ANKRD36: variants seen among roughly 807,000 people sequenced by gnomAD.
ANKRD36 encodes ankyrin repeat domain 36.
In ANKRD36, 179 loss-of-function variants were observed where a neutral mutation model predicts 278.1. The observed-to-expected ratio is 0.64, with a 90% CI of 0.57 to 0.73. The LOEUF (loss-of-function observed/expected upper bound fraction) is 0.73, where lower values mean the gene tolerates loss of function less well. ANKRD36 is among the 30% of genes least tolerant of loss of function. The pLI, the probability that ANKRD36 is intolerant of heterozygous loss-of-function variation, is 0.00. For missense variants in ANKRD36, 1,159 were observed against 1,956.7 expected, an observed-to-expected ratio of 0.59 and a Z score of 7.69; for synonymous variants, 320 against 641.1, an observed-to-expected ratio of 0.50 and a Z score of 7.57.
chr2:97,154,068 T>C (rs1290437244), intron 14 of ANKRD36, among the ~76,000 whole-genome samples: 2 of 148,634 alleles, frequency 1.3e-5, no homozygotes, highest in Non-Finnish European at 3.0e-5. Context: ...CATTTGTACT[T>C]TGACTTTTGT....
intron 5 of ANKRD36, among the ~76,000 whole-genome samples, chr2:97,125,254 G>T (rs1332412254): frequency 6.6e-6 from 1 of 151,306 alleles, no homozygotes; most frequent in Non-Finnish European, 1.5e-5. Flanking sequence ...CCATAAAAAG[G>T]CTTCAAAGTT....
intron 13 of ANKRD36, among the ~76,000 whole-genome samples, 175 bp from the exon 14 acceptor site, chr2:97,152,329 T>G (rs1277362091): frequency 4.0e-5 from 6 of 148,846 alleles, no homozygotes; most frequent in Non-Finnish European, 1.5e-5. Context: ...AAGGATAGAG[T>G]CTTGCTATGT....
Position 97,217,198 on chromosome 2 carries a change from C to T in ANKRD36, c.3695C>T (p.Ala1232Val), listed in dbSNP as rs1343996624. The change falls in exon 63 of 76, where the codon GCC (alanine) becomes GTC (valine). Residue 1232 changes from alanine (A) to valine (V), a missense_variant. Physicochemically the swap from Ala to Val is moderately conservative, Grantham distance 64 (BLOSUM62 0). Transcript: ENST00000420699. Reference protein sequence around the residue: ...RGTVSPQKQSAQKVIFKKKVS... With the variant: ...RGTVSPQKQSVQKVIFKKKVS... ...TCAGTGTCTCCTCAGAAACAATCGGCCCAGAAGGTAGTTACTCTTTCATTT... is the reference window on the plus strand; with the variant it reads ...TCAGTGTCTCCTCAGAAACAATCGGTCCAGAAGGTAGTTACTCTTTCATTT... The T allele has an allele frequency of 6.4e-7, 1 of 1,552,978 alleles. No homozygotes were observed. Among genetic ancestry groups the T allele is most frequent in the East Asian group, 2.5e-5 (1 of 40,466 alleles).
chr2:97,234,983 G>C (rs1280143715), intron 68 of ANKRD36, among the ~76,000 whole-genome samples: 1 of 139,120 alleles, frequency 7.2e-6, no homozygotes, highest in African/African-American at 3.0e-5. Flanking sequence ...CACTTGCTTT[G>C]TAGTATCTTT....
At chr2:97,153,318 T>G (rs563978823) in intron 14 of ANKRD36, among the ~76,000 whole-genome samples, 1 of 152,422 alleles carries the variant, frequency 6.6e-6, no homozygotes, top group African/African-American at 2.4e-5. Context: ...AATATTTTCT[T>G]GATTTCTTTT....
intron 32 of ANKRD36, among the ~76,000 whole-genome samples, chr2:97,188,311 T>C (rs2057854100): frequency 6.6e-6 from 1 of 151,420 alleles, no homozygotes; most frequent in African/African-American, 2.4e-5. Flanking sequence ...ATTGCAGTGA[T>C]TTCTGAATGA....
intron 6 of ANKRD36, among the ~76,000 whole-genome samples, chr2:97,131,995 A>T (rs2040296637): frequency 6.6e-6 from 1 of 151,702 alleles, no homozygotes; most frequent in South Asian, 2.1e-4. Context: ...CGCCCAGCTA[A>T]TTTTTATATT....
rs897068345 is a variant in ANKRD36, at chr2:97,154,754, C to T, written c.1260+13C>T. On this transcript the variant is annotated intron_variant, in intron 15 of 75. Transcript: ENST00000420699. ...TTTGGAATCTGAGGTAGAGTACTCT[C>T]TTGTGAAATTAATTTTCTCATTCTG... 1.6e-5 allele frequency: 23 copies of T among 1,466,472 alleles called. 3 individuals are homozygous for T. Among genetic ancestry groups the T allele is most frequent in the Non-Finnish European group, 2.1e-5 (23 of 1,092,064 alleles). The allele number at this position is 1,466,472 out of a possible 1,614,324, so 90.8% of individuals were successfully genotyped here. A position where few individuals can be genotyped will look rare whatever the true frequency, so the allele number is the denominator to read the frequency against.
intron 11 of ANKRD36, among the ~76,000 whole-genome samples, chr2:97,147,079 G>T (rs940785467): frequency 2.0e-5 from 3 of 151,742 alleles, no homozygotes; most frequent in Non-Finnish European, 4.4e-5. Flanking sequence ...GCAAGACTAG[G>T]CCAGTCCTAG....
chr2:97,115,648 T>C (rs1016371837), intron 1 of ANKRD36, among the ~76,000 whole-genome samples: 1 of 124 alleles, frequency 8.1e-3, no homozygotes, highest in Non-Finnish European at 0.015. Context: ...GAAATACTAT[T>C]TTCTATCACA....
At chr2:97,177,390 A>G (rs1177039330) in intron 22 of ANKRD36, among the ~76,000 whole-genome samples, 6 of 151,972 alleles carry the variant, frequency 3.9e-5, no homozygotes, top group Non-Finnish European at 7.4e-5. Flanking sequence ...AGCCAAAAGA[A>G]CAAAGCTGGA....
intron 4 of ANKRD36, among the ~76,000 whole-genome samples, chr2:97,123,957 T>TTATATG (rs2037776149): frequency 7.1e-6 from 1 of 141,806 alleles, no homozygotes; most frequent in Non-Finnish European, 1.5e-5. Context: ...TCCTCCATAT[T>TTATATG]TATATATATA....
chr2:97,123,073 T>TCTGTACCCTGAGAGAAA, intron 4 of ANKRD36, 80 bp downstream of exon 4: 1 of 1,155,492 alleles, frequency 8.7e-7, no homozygotes, highest in Non-Finnish European at 1.2e-6. Flanking sequence ...AAGTCACAAA[T>TCTGTACCCTGAGAGAAA]ATTACATTAA....
intron 40 of ANKRD36, 42 bp downstream of exon 40, chr2:97,194,959 C>G (rs576668535): frequency 3.9e-6 from 6 of 1,537,028 alleles, no homozygotes; most frequent in Non-Finnish European, 5.2e-6. Context: ...TCAGTCCAGA[C>G]AAGAAGTTCT....
At chr2:97,182,858 A>G (rs567101156) in intron 26 of ANKRD36, among the ~76,000 whole-genome samples, 16 of 151,850 alleles carry the variant, frequency 1.1e-4, no homozygotes, top group African/African-American at 3.9e-4. Flanking sequence ...ATGTAGGCAC[A>G]TTATTACACC....
intron 58 of ANKRD36, chr2:97,212,961 G>T (rs1400525930): frequency 4.4e-5 from 14 of 319,664 alleles, no homozygotes; most frequent in Non-Finnish European, 7.0e-5. Context: ...CATTGTAATT[G>T]TGTGCCTTCT....
At chr2:97,200,695 T>C (rs1004828932) in intron 46 of ANKRD36, among the ~76,000 whole-genome samples, 170 bp downstream of exon 46, 4 of 151,906 alleles carry the variant, frequency 2.6e-5, no homozygotes, top group African/African-American at 9.7e-5. Context: ...GTCTGCAGCA[T>C]GATCTTCGCT....
In ANKRD36 at chr2:97,205,931, G is replaced by T. The variant is rs1459826907; in HGVS notation, c.3062-9G>T. 1 of 1,550,562 alleles carries T rather than the reference G, an allele frequency of 6.4e-7. No homozygotes were observed. Reference sequence around the variant, plus strand: ...ATATGACTGATTATGAATCACTTTTGCTTTTCAGTGTCTTCTCAGAAACCA... The same window carrying T: ...ATATGACTGATTATGAATCACTTTTTCTTTTCAGTGTCTTCTCAGAAACCA... On this transcript the variant is annotated splice_polypyrimidine_tract_variant and intron_variant, in intron 50 of 75. Coordinates refer to ENST00000420699, the MANE Select transcript of ANKRD36 (RefSeq NM_001354587.1).
At chr2:97,195,338 C>A (rs1397402204) in intron 40 of ANKRD36, among the ~76,000 whole-genome samples, 1 of 151,932 alleles carries the variant, frequency 6.6e-6, no homozygotes, top group Non-Finnish European at 1.5e-5. Flanking sequence ...ACTGAGGAGA[C>A]CCCTGATGTA....
Sources: gnomAD v4.1 joint callset for allele counts (sites outside exome capture counted in the v4.1 genomes callset) on GRCh38, gnomAD v4.1.1 for gene constraint, MANE v1.5 for transcripts, NCBI Gene and HGNC (gene_info 2026-07-23, HGNC 2026-07-21) for gene names.